The following ZNF385D variants were observed in gnomAD, a reference collection of about 807,000 sequenced individuals.
ZNF385D encodes zinc finger protein 659.
In ZNF385D, 15 loss-of-function variants were observed where a neutral mutation model predicts 35.8. The ratio of observed to expected loss-of-function variants is 0.42; its 90% CI spans 0.28 to 0.64. The LOEUF (loss-of-function observed/expected upper bound fraction) is 0.64, where lower values mean the gene tolerates loss of function less well. Ranked by LOEUF, ZNF385D falls within the 30% of genes least tolerant of loss-of-function variation. The pLI is 0.23. For missense variants in ZNF385D, 474 were observed against 494.6 expected, an observed-to-expected ratio of 0.96 and a Z score of 0.39; for synonymous variants, 212 against 186.8, an observed-to-expected ratio of 1.13 and a Z score of -1.10.
At chr3:21,736,371 T>A (rs1041672900) in intron 1 of ZNF385D, among the ~76,000 whole-genome samples, 1 of 152,212 alleles carries the variant, frequency 6.6e-6, no homozygotes, top group Non-Finnish European at 1.5e-5. Context: ...ATTATTTTTT[T>A]AAAAAGTATG....
At chr3:22,235,715 T>C (rs187414783) in intron 2 of ZNF385D, among the ~76,000 whole-genome samples, 1 of 152,240 alleles carries the variant, frequency 6.6e-6, no homozygotes, top group African/African-American at 2.4e-5. Flanking sequence ...CAAAATACTT[T>C]GCAGTTATCC....
At chr3:22,278,861 G>A (rs914089178) in intron 2 of ZNF385D, among the ~76,000 whole-genome samples, 1 of 152,062 alleles carries the variant, frequency 6.6e-6, no homozygotes, top group Non-Finnish European at 1.5e-5. Context: ...AGCCTTGCAG[G>A]TATGGGAAAT....
Position 21,577,325 on chromosome 3 carries a change from A to G in ZNF385D, c.166-12641T>C, listed in dbSNP as rs1349713872. On this transcript the variant is annotated intron_variant, in intron 2 of 7. Coordinates refer to ENST00000281523, the MANE Select transcript of ZNF385D (RefSeq NM_024697.3). ...TCCTCCAGGATCATCCATGTTTCCA[A>G]AACTGACAACATGTCATTCTTCTTT... 8.5e-5 allele frequency among the ~76,000 whole-genome samples: 13 copies of G among 152,312 alleles called. No individual in the cohort carries two copies. In the East Asian group the frequency reaches 1.2e-3, roughly 14 times the overall value.
intron 4 of ZNF385D, among the ~76,000 whole-genome samples, chr3:21,442,511 A>C (rs563628001): frequency 5.3e-5 from 8 of 152,240 alleles, no homozygotes; most frequent in Middle Eastern, 3.4e-3. Context: ...AAAAACAAAA[A>C]CAAACCACCA....
intron 2 of ZNF385D, among the ~76,000 whole-genome samples, chr3:21,602,594 G>A (rs1022672449): frequency 7.5e-6 from 1 of 134,020 alleles, no homozygotes; most frequent in Admixed American, 8.0e-5. Context: ...CTGCAGTGGC[G>A]CAATCTCGGC....
At chr3:21,470,586 AATG>A (rs534748562) in intron 4 of ZNF385D, among the ~76,000 whole-genome samples, 11 of 152,158 alleles carry the variant, frequency 7.2e-5, no homozygotes, top group Admixed American at 1.3e-4. Flanking sequence ...GTGTGCTTAA[AATG>A]GTTTCAAACT....
At chr3:21,724,673 A>G (rs1348338222) in intron 1 of ZNF385D, among the ~76,000 whole-genome samples, 6 of 152,036 alleles carry the variant, frequency 3.9e-5, no homozygotes, top group African/African-American at 1.5e-4. Context: ...GAGCACCCAG[A>G]TTCATAAAGA....
chr3:21,437,258 C>T (rs1048861377), intron 4 of ZNF385D, 55 bp from the exon 5 acceptor site: 2 of 1,497,934 alleles, frequency 1.3e-6, no homozygotes, highest in East Asian at 2.3e-5. Context: ...TTATCTTTCC[C>T]TATTCAGGAA....
At chr3:21,479,968 G>C (rs1704501375) in intron 4 of ZNF385D, among the ~76,000 whole-genome samples, 1 of 152,102 alleles carries the variant, frequency 6.6e-6, no homozygotes, top group South Asian at 2.1e-4. Context: ...ACAGCCATCA[G>C]AGATTAGAAC....
chr3:21,984,446 T>C (rs1292300561), intron 3 of ZNF385D, among the ~76,000 whole-genome samples: 2 of 132,320 alleles, frequency 1.5e-5, no homozygotes, highest in Non-Finnish European at 3.2e-5. Flanking sequence ...TGCTTGTTTT[T>C]CTCAGGTTTG....
At chr3:21,821,585 T>A (rs541540868) in intron 3 of ZNF385D, among the ~76,000 whole-genome samples, 22 of 152,078 alleles carry the variant, frequency 1.4e-4, no homozygotes, top group Middle Eastern at 6.8e-3. Flanking sequence ...AAAGAAAAAA[T>A]TTATTGTACT....
chr3:21,735,453 G>T (rs1007615435), intron 1 of ZNF385D, among the ~76,000 whole-genome samples: 1 of 152,112 alleles, frequency 6.6e-6, no homozygotes, highest in Non-Finnish European at 1.5e-5. Flanking sequence ...TAAACATAAG[G>T]TGAAGTATAT....
chr3:21,651,002 A>G lies in ZNF385D; in HGVS notation c.165+13884T>C, dbSNP rs1247857527. 2.6e-5 allele frequency among the ~76,000 whole-genome samples: 4 copies of G among 151,988 alleles called. No homozygotes were observed. The East Asian group carries it at 5.8e-4, about 22-fold the overall frequency. On this transcript the variant is annotated intron_variant, in intron 2 of 7. Transcript: ENST00000281523. ...TTTGAAGTCTTAAGAAAAAAGGGCCAGGCGCGGTGGCTCACGCCTGTAATC... is the reference window on the plus strand; with the variant it reads ...TTTGAAGTCTTAAGAAAAAAGGGCCGGGCGCGGTGGCTCACGCCTGTAATC...
At chr3:21,731,725 A>G (rs982490502) in intron 1 of ZNF385D, among the ~76,000 whole-genome samples, 4 of 152,166 alleles carry the variant, frequency 2.6e-5, no homozygotes, top group African/African-American at 9.7e-5. Context: ...AATTTGATAG[A>G]AAAAAAGCCA....
At chr3:22,357,094 G>A (rs559379236) in intron 2 of ZNF385D, among the ~76,000 whole-genome samples, 5 of 151,886 alleles carry the variant, frequency 3.3e-5, no homozygotes, top group Non-Finnish European at 7.4e-5. Flanking sequence ...TTATCAAGAA[G>A]TTCACATACA....
At chr3:22,162,142 A>C (rs970394982) in intron 3 of ZNF385D, among the ~76,000 whole-genome samples, 2 of 152,192 alleles carry the variant, frequency 1.3e-5, no homozygotes, top group Non-Finnish European at 2.9e-5. Flanking sequence ...AATGGAAAAT[A>C]AGAGTTAAGG....
rs143071172 is a variant in ZNF385D, at chr3:22,205,085, G to A, written c.107-36050C>T. Among the ~76,000 whole-genome samples, 210 of 151,290 alleles carry A rather than the reference G, an allele frequency of 1.4e-3. 1 individual carries two copies. The highest frequency in any genetic ancestry group is 2.1e-3 in the South Asian group (10 of 4,800). On this transcript the variant is annotated intron_variant, in intron 2 of 5. Transcript: ENST00000494108. ...CTTCAAGGCAAATCAAACTCCCAAG[G>A]TCAAGAATAAGGAAAAGATTCTAAA... is the stretch of plus-strand genomic sequence containing the variant.
At chr3:21,807,817 T>C (rs889731836) in intron 3 of ZNF385D, among the ~76,000 whole-genome samples, 17 of 152,202 alleles carry the variant, frequency 1.1e-4, no homozygotes, top group Admixed American at 3.9e-4. Context: ...GGCCCCACTT[T>C]TGAGATTTGA....
chr3:22,210,068 A>G (rs1357387267), intron 2 of ZNF385D, among the ~76,000 whole-genome samples: 1 of 151,830 alleles, frequency 6.6e-6, no homozygotes, highest in Non-Finnish European at 1.5e-5. Flanking sequence ...AGAAACCTAT[A>G]GGAAACTTAA....
Sources: allele counts gnomAD v4.1 joint callset (sites outside exome capture counted in the v4.1 genomes callset), GRCh38; gene constraint gnomAD v4.1.1; transcripts MANE v1.5; gene names NCBI Gene and HGNC (gene_info 2026-07-23, HGNC 2026-07-21).